Variants in ETV6 observed in about 807,000 individuals in gnomAD.
ETV6 encodes the protein transcription factor ETV6.
Under a neutral mutation model 51.1 loss-of-function variants are expected in ETV6, and 16 were observed. The ratio of observed to expected loss-of-function variants is 0.31; its 90% CI spans 0.21 to 0.48. ETV6 has a LOEUF of 0.48. Ranked by LOEUF, ETV6 falls within the 20% of genes least tolerant of loss-of-function variation. The probability of loss-of-function intolerance (pLI) is 0.99; values close to 1 mark genes in which losing one functional copy is unlikely to be tolerated. For missense variants in ETV6, 458 were observed against 594.8 expected, an observed-to-expected ratio of 0.77 and a Z score of 2.39; for synonymous variants, 240 against 224.1, an observed-to-expected ratio of 1.07 and a Z score of -0.64.
chr12:11,650,496 C>CAAAAAAAAAAAAAAAAAAAAAAAA (rs1252618617), intron 1 of ETV6, among the ~76,000 whole-genome samples: 1 of 111,428 alleles, frequency 9.0e-6, no homozygotes, highest in Non-Finnish European at 1.7e-5. Flanking sequence ...AAAAAAAAAA[C>CAAAAAAAAAAAAAAAAAAAAAAAA]AAAAAACAAA....
rs1420953296 is a variant in ETV6 at position 11,892,666 on chromosome 12, A to AACTC, written c.*1623_*1626dup. 3.0e-5 allele frequency: 7 copies of AACTC among 232,898 alleles called. No homozygotes were observed. Among genetic ancestry groups the AACTC allele is most frequent in the African/African-American group, 1.5e-4 (7 of 45,284 alleles). 14.4% of individuals were successfully genotyped at this position (232,898 alleles called of 1,614,324 possible). A position where few individuals can be genotyped will look rare whatever the true frequency, so the allele number is the denominator to read the frequency against. On this transcript the variant is annotated 3_prime_UTR_variant, in exon 8 of 8. Transcript: ENST00000396373. ...GTTTCCTCTACTCAGTTGGGGGAGA[A>AACTC]ACTCACAGCTCCTCCGGGATACATA... is the stretch of plus-strand genomic sequence containing the variant.
At chr12:11,730,341 G>A (rs1249026396) in intron 1 of ETV6, among the ~76,000 whole-genome samples, 1 of 152,156 alleles carries the variant, frequency 6.6e-6, no homozygotes, top group Non-Finnish European at 1.5e-5. Flanking sequence ...AAGAAAGGTG[G>A]CAGAAAAGCA....
Position 11,691,220 on chromosome 12 carries a change from C to T in ETV6, c.33+41060C>T, listed in dbSNP as rs546275552. ...ATGACTTAAAACACCTTCTAGAGGC[C>T]CCATCTCTAAATACCATCACATTGA... On this transcript the variant is annotated intron_variant, in intron 1 of 7. Coordinates refer to ENST00000396373, the MANE Select transcript of ETV6 (RefSeq NM_001987.5). Among the ~76,000 whole-genome samples the T allele has an allele frequency of 5.9e-5, 9 of 152,196 alleles. No homozygotes were observed. In the South Asian group the frequency reaches 8.3e-4, roughly 14 times the overall value.
chr12:11,650,626 TA>T (rs1327969112), intron 1 of ETV6, among the ~76,000 whole-genome samples: 1 of 152,132 alleles, frequency 6.6e-6, no homozygotes, highest in Non-Finnish European at 1.5e-5. Flanking sequence ...AGAATCTTTT[TA>T]TTTTTTTAAA....
chr12:11,709,344 C>T lies in ETV6; in HGVS notation c.34-43106C>T, dbSNP rs1565494264. ...GAAAGCGTTTGATCTTTTCTTCTCT[C>T]CTCCTCTCCTCTCCTCTCCTCTCTT... is the stretch of plus-strand genomic sequence containing the variant. On this transcript the variant is annotated intron_variant, in intron 1 of 7. Transcript: ENST00000396373. 1.1e-4 allele frequency among the ~76,000 whole-genome samples: 17 copies of T among 151,916 alleles called. 1 individual carries two copies. Among genetic ancestry groups the T allele is most frequent in the Non-Finnish European group, 1.5e-5 (1 of 67,986 alleles).
intron 1 of ETV6, among the ~76,000 whole-genome samples, chr12:11,660,911 G>A (rs1864090067): frequency 6.6e-6 from 1 of 152,182 alleles, no homozygotes; most frequent in Admixed American, 6.5e-5. Flanking sequence ...GGCCTCTTTG[G>A]ATACTCATAA....
At chr12:11,815,078 C>T (rs539853194) in intron 2 of ETV6, among the ~76,000 whole-genome samples, 3 of 152,134 alleles carry the variant, frequency 2.0e-5, no homozygotes, top group Non-Finnish European at 4.4e-5. Flanking sequence ...ACATACTTCC[C>T]AGGAGAAGTC....
chr12:11,702,387 A>C (rs1408858516), intron 1 of ETV6, among the ~76,000 whole-genome samples: 1 of 152,148 alleles, frequency 6.6e-6, no homozygotes, highest in East Asian at 1.9e-4. Flanking sequence ...GCAAGAATGA[A>C]TTGATTTGTA....
At chr12:11,757,267 A>G (rs541443797) in intron 2 of ETV6, among the ~76,000 whole-genome samples, 5 of 152,146 alleles carry the variant, frequency 3.3e-5, no homozygotes, top group African/African-American at 1.2e-4. Context: ...CTGCTCACCC[A>G]CTCGGCTGTT....
chr12:11,747,535 G>A (rs1204059832), intron 1 of ETV6, among the ~76,000 whole-genome samples: 27 of 152,032 alleles, frequency 1.8e-4, no homozygotes, highest in Admixed American at 1.8e-3. Flanking sequence ...TTCTTTCTGG[G>A]GAGATTCCAA....
rs1947117328 is a variant in ETV6 at position 11,882,711 on chromosome 12, G to A, written c.1010-1734G>A. Among the ~76,000 whole-genome samples the A allele has an allele frequency of 1.3e-5, 2 of 152,128 alleles. 1 individual carries two copies. The highest frequency in any genetic ancestry group is 4.1e-4 in the South Asian group (2 of 4,822). On this transcript the variant is annotated intron_variant, in intron 5 of 7. Transcript: ENST00000396373. ...CTGTTATTCCCACTTCATAAGTGAGGCAACAGAACCTCAGGAAGATTAAGA... is the reference window on the plus strand; with the variant it reads ...CTGTTATTCCCACTTCATAAGTGAGACAACAGAACCTCAGGAAGATTAAGA...
intron 1 of ETV6, among the ~76,000 whole-genome samples, chr12:11,708,451 G>A (rs1865112498): frequency 6.6e-6 from 1 of 152,146 alleles, no homozygotes; most frequent in Non-Finnish European, 1.5e-5. Flanking sequence ...TTTTCTTAAG[G>A]AAACTTGGAG....
intron 2 of ETV6, among the ~76,000 whole-genome samples, chr12:11,812,772 A>G (rs1166571748): frequency 6.6e-6 from 1 of 152,132 alleles, no homozygotes. Flanking sequence ...GTGAAGGCCT[A>G]AGATTTAAAG....
intron 2 of ETV6, among the ~76,000 whole-genome samples, chr12:11,791,431 G>A (rs1478677498): frequency 1.3e-5 from 2 of 152,220 alleles, no homozygotes; most frequent in Non-Finnish European, 2.9e-5. Context: ...GAGCTTCTCA[G>A]GAGGAAAGCT....
chr12:11,838,474 G>A (rs765793990), intron 2 of ETV6, among the ~76,000 whole-genome samples: 16 of 152,164 alleles, frequency 1.1e-4, no homozygotes, highest in Non-Finnish European at 1.8e-4. Flanking sequence ...ACCCCACCAG[G>A]AAGCTCTAAT....
At chr12:11,831,553 A>G (rs972117006) in intron 2 of ETV6, among the ~76,000 whole-genome samples, 4 of 152,362 alleles carry the variant, frequency 2.6e-5, no homozygotes, top group South Asian at 2.1e-4. Flanking sequence ...TATAAAAGTA[A>G]AACATGCTTA....
At chr12:11,774,305 G>A (rs1591664237) in intron 2 of ETV6, among the ~76,000 whole-genome samples, 1 of 147,444 alleles carries the variant, frequency 6.8e-6, no homozygotes, top group African/African-American at 2.7e-5. Flanking sequence ...CCTGACAACA[G>A]CCCCACCACC....
intron 1 of ETV6, among the ~76,000 whole-genome samples, chr12:11,666,617 C>G (rs1463119116): frequency 6.6e-6 from 1 of 152,196 alleles, no homozygotes; most frequent in Non-Finnish European, 1.5e-5. Flanking sequence ...GCAGACCAAA[C>G]TGGGCCTTCC....
chr12:11,851,459 A>G (rs992140883), intron 3 of ETV6, among the ~76,000 whole-genome samples: 2 of 152,158 alleles, frequency 1.3e-5, no homozygotes, highest in Non-Finnish European at 2.9e-5. Flanking sequence ...ATAGGACTGT[A>G]TTTCAGGCTT....
Sources: gnomAD v4.1 joint callset for allele counts (sites outside exome capture counted in the v4.1 genomes callset) on GRCh38, gnomAD v4.1.1 for gene constraint, MANE v1.5 for transcripts, NCBI Gene and HGNC (gene_info 2026-07-23, HGNC 2026-07-21) for gene names.